GLIS3: variants seen among roughly 807,000 people sequenced by gnomAD.
GLIS3 encodes GLIS family zinc finger 3.
In GLIS3, 53 loss-of-function variants were observed where a neutral mutation model predicts 78.6. The ratio of observed to expected loss-of-function variants is 0.67; its 90% CI spans 0.54 to 0.85. The LOEUF is 0.85. Ranked by LOEUF, GLIS3 falls within the 40% of genes least tolerant of loss-of-function variation. The probability of loss-of-function intolerance (pLI) is 0.00; values close to 1 mark genes in which losing one functional copy is unlikely to be tolerated. For synonymous variants in GLIS3, 684 were observed against 509.9 expected, an observed-to-expected ratio of 1.34 and a Z score of -4.60; for missense variants, 1,703 against 1,231.1, an observed-to-expected ratio of 1.38 and a Z score of -5.74.
At chr9:4,206,676 G>A (rs1425685123) in intron 2 of GLIS3, among the ~76,000 whole-genome samples, 2 of 152,202 alleles carry the variant, frequency 1.3e-5, no homozygotes, top group Non-Finnish European at 2.9e-5. Flanking sequence ...AATAAGGGGT[G>A]TGAACCATCC....
intron 7 of GLIS3, among the ~76,000 whole-genome samples, chr9:3,889,887 C>G (rs1038234918): frequency 6.6e-6 from 1 of 152,208 alleles, no homozygotes; most frequent in Non-Finnish European, 1.5e-5. Flanking sequence ...TTTGCTGATT[C>G]TCAGTGTAAT....
chr9:4,203,906 T>C (rs2131273326), intron 2 of GLIS3, among the ~76,000 whole-genome samples: 1 of 152,180 alleles, frequency 6.6e-6, no homozygotes, highest in East Asian at 1.9e-4. Flanking sequence ...AGCCAAACAG[T>C]GGGTACTCAT....
chr9:4,027,967 A>C (rs1239409078), intron 4 of GLIS3, among the ~76,000 whole-genome samples: 1 of 152,200 alleles, frequency 6.6e-6, no homozygotes, highest in Non-Finnish European at 1.5e-5. Flanking sequence ...GAGTCACGTC[A>C]AGTCCATTCC....
intron 2 of GLIS3, among the ~76,000 whole-genome samples, chr9:4,209,600 T>G (rs185462120): frequency 2.0e-5 from 3 of 152,334 alleles, no homozygotes; most frequent in African/African-American, 7.2e-5. Context: ...CATTTCATTT[T>G]TCTCTCCAAT....
At chr9:4,429,556 G>A in the GLIS3 span, among the ~76,000 whole-genome samples, 2 of 152,158 alleles carry the variant, frequency 1.3e-5, no homozygotes, top group African/African-American at 2.4e-5. Flanking sequence ...CTTGTCACAT[G>A]TTCTCTTAAT....
In GLIS3 at chr9:4,118,170, G is replaced by T. The variant is rs774923229; in HGVS notation, c.1308C>A (p.Phe436Leu). The change falls in exon 4 of 11, where the codon TTC becomes TTA. Residue 436 changes from phenylalanine (F) to leucine (L), a missense_variant. By Grantham distance (22) the Phe-to-Leu change is conservative. Coordinates refer to ENST00000381971, the MANE Select transcript of GLIS3 (RefSeq NM_001042413.2). The surrounding 1 kb of genome is among the most constrained non-coding windows in gnomAD (Gnocchi z 4.7). Reference protein sequence around the residue: ...GLFKTERLEEFPGSTVDLPPA... With the variant: ...GLFKTERLEELPGSTVDLPPA... ...GGGGTAGGTCTACGGTGCTGCCCGGGAACTCCTCCAGGCGTTCGGTCTTGA... is the reference window on the plus strand; with the variant it reads ...GGGGTAGGTCTACGGTGCTGCCCGGTAACTCCTCCAGGCGTTCGGTCTTGA... 10 of 1,568,402 alleles carry T rather than the reference G, an allele frequency of 6.4e-6. No homozygotes were observed. Among genetic ancestry groups the T allele is most frequent in the Non-Finnish European group, 8.6e-6 (10 of 1,156,886 alleles).
chr9:4,215,523 A>G (rs1820750185), intron 2 of GLIS3, among the ~76,000 whole-genome samples: 1 of 152,200 alleles, frequency 6.6e-6, no homozygotes, highest in Non-Finnish European at 1.5e-5. Flanking sequence ...CTAAGAAAAG[A>G]TTCCTGAATT....
intron 4 of GLIS3, among the ~76,000 whole-genome samples, chr9:4,014,309 G>C (rs931215705): frequency 6.6e-6 from 1 of 152,124 alleles, no homozygotes; most frequent in African/African-American, 2.4e-5. Flanking sequence ...GGGCTAAATG[G>C]TGTCCACCCC....
At chr9:4,374,092 G>A in the GLIS3 span, among the ~76,000 whole-genome samples, 1 of 152,148 alleles carries the variant, frequency 6.6e-6, no homozygotes, top group Non-Finnish European at 1.5e-5. Context: ...GCGGATACAC[G>A]AAATCTGTCC....
chr9:4,073,156 C>A (rs1480556161), intron 4 of GLIS3, among the ~76,000 whole-genome samples: 5 of 152,130 alleles, frequency 3.3e-5, no homozygotes, highest in Admixed American at 1.3e-4. Context: ...CCTCAAACAC[C>A]CATCAACTGA....
At chr9:3,859,937 G>T (rs926862458) in intron 8 of GLIS3, among the ~76,000 whole-genome samples, 5 of 151,738 alleles carry the variant, frequency 3.3e-5, no homozygotes, top group African/African-American at 1.2e-4. Flanking sequence ...GCATGCAAAA[G>T]AAAAAAAGAA....
intron 2 of GLIS3, among the ~76,000 whole-genome samples, chr9:4,318,590 T>C (rs920875210): frequency 3.3e-5 from 5 of 152,074 alleles, no homozygotes; most frequent in Admixed American, 2.0e-4. Context: ...TTATAAAACA[T>C]TGGCAGCAAA....
chr9:3,915,413 GGATTGCATTA>G (rs1461598911), intron 6 of GLIS3, among the ~76,000 whole-genome samples: 1 of 152,074 alleles, frequency 6.6e-6, no homozygotes, highest in East Asian at 1.9e-4. Context: ...GCACTGTCCA[GGATTGCATTA>G]GTCTTGGTGG....
chr9:4,166,349 G>A (rs1006935222), intron 2 of GLIS3, among the ~76,000 whole-genome samples: 1 of 152,166 alleles, frequency 6.6e-6, no homozygotes, highest in Non-Finnish European at 1.5e-5. Flanking sequence ...CTGCAGCCCA[G>A]GAGACACTGG....
intron 8 of GLIS3, chr9:3,878,630 G>A (rs1821488879): frequency 6.6e-6 from 1 of 152,084 alleles, no homozygotes; most frequent in Admixed American, 6.6e-5. Flanking sequence ...ATGTCTGGGA[G>A]TAACCAGGTA....
intron 9 of GLIS3, among the ~76,000 whole-genome samples, chr9:3,835,383 A>C (rs1175174722): frequency 2.0e-5 from 3 of 152,192 alleles, no homozygotes; most frequent in Non-Finnish European, 4.4e-5. Context: ...AGTGTGACCT[A>C]GTCAGGCTTG....
At chr9:4,235,034 C>T (rs1822586201) in intron 2 of GLIS3, among the ~76,000 whole-genome samples, 1 of 152,150 alleles carries the variant, frequency 6.6e-6, no homozygotes, top group African/African-American at 2.4e-5. Flanking sequence ...CGCGGTGGCT[C>T]ACGCCTGTAA....
In GLIS3 at chr9:3,864,648, G is replaced by C. The variant is rs369929291; in HGVS notation, c.2298-8464C>G. ...GCTTCAGTCATTAATAACATGTGCTGTTTATAGTGCTTTTTTTCTTCCCTC... is the reference window on the plus strand; with the variant it reads ...GCTTCAGTCATTAATAACATGTGCTCTTTATAGTGCTTTTTTTCTTCCCTC... On this transcript the variant is annotated intron_variant, in intron 8 of 10. Coordinates refer to ENST00000381971, the MANE Select transcript of GLIS3 (RefSeq NM_001042413.2). 2.6e-4 allele frequency among the ~76,000 whole-genome samples: 39 copies of C among 152,326 alleles called. 1 individual carries two copies. The South Asian group carries it at 8.1e-3, about 32-fold the overall frequency.
chr9:4,372,835 C>A, the GLIS3 span, among the ~76,000 whole-genome samples: 1 of 152,296 alleles, frequency 6.6e-6, no homozygotes, highest in Non-Finnish European at 1.5e-5. Context: ...GTTCTCACCT[C>A]CTGCCACTTT....
Sources: allele counts gnomAD v4.1 joint callset (sites outside exome capture counted in the v4.1 genomes callset), GRCh38; gene constraint gnomAD v4.1.1; non-coding constraint Gnocchi (gnomAD v3.1); transcripts MANE v1.5; gene names NCBI Gene and HGNC (gene_info 2026-07-23, HGNC 2026-07-21).